Variants in CDH13 observed in about 807,000 individuals in gnomAD.
The protein encoded by CDH13 is cadherin 13.
Under a neutral mutation model 63.8 loss-of-function variants are expected in CDH13, and 24 were observed. That is an observed-to-expected ratio of 0.38 (90% CI 0.27 to 0.53). The LOEUF (loss-of-function observed/expected upper bound fraction) is 0.53, where lower values mean the gene tolerates loss of function less well. Ranked by LOEUF, CDH13 falls within the 20% of genes least tolerant of loss-of-function variation. The pLI, the probability that CDH13 is intolerant of heterozygous loss-of-function variation, is 0.85. For missense variants in CDH13, 1,049 were observed against 903.1 expected, an observed-to-expected ratio of 1.16 and a Z score of -2.07; for synonymous variants, 503 against 355.3, an observed-to-expected ratio of 1.42 and a Z score of -4.67.
chr16:82,662,078 C>G (rs925808658), intron 1 of CDH13, among the ~76,000 whole-genome samples: 1 of 152,216 alleles, frequency 6.6e-6, no homozygotes, highest in Non-Finnish European at 1.5e-5. Context: ...CTGGACACCA[C>G]TGAGTCAAAT....
intron 3 of CDH13, among the ~76,000 whole-genome samples, chr16:83,036,621 C>T (rs993329203): frequency 3.3e-5 from 5 of 152,134 alleles, no homozygotes; most frequent in South Asian, 4.1e-4. Context: ...TCCCTCTTCC[C>T]GTGGCTGAAC....
intron 4 of CDH13, among the ~76,000 whole-genome samples, chr16:83,142,548 C>A (rs1001022849): frequency 6.6e-6 from 1 of 152,146 alleles, no homozygotes; most frequent in Non-Finnish European, 1.5e-5. Flanking sequence ...CTCAATTCCC[C>A]AAACTGAATC....
chr16:83,717,709 G>A (rs925365871), intron 10 of CDH13: 1 of 152,318 alleles, frequency 6.6e-6, no homozygotes, highest in Non-Finnish European at 1.5e-5. Context: ...GTGAGAGTTT[G>A]AGAGCTAGTT....
chr16:83,314,551 G>C (rs958500439), intron 5 of CDH13, among the ~76,000 whole-genome samples: 1 of 151,926 alleles, frequency 6.6e-6, no homozygotes, highest in Non-Finnish European at 1.5e-5. Context: ...TGGCATGTCA[G>C]TGTGTTAAAA....
At chr16:83,316,711 C>G (rs984025255) in intron 5 of CDH13, among the ~76,000 whole-genome samples, 2 of 152,222 alleles carry the variant, frequency 1.3e-5, no homozygotes, top group Non-Finnish European at 2.9e-5. Flanking sequence ...AGTGCCCACA[C>G]TCTGCATGGC....
chr16:83,510,437 A>C lies in CDH13; in HGVS notation c.960+23782A>C, dbSNP rs112809776. On this transcript the variant is annotated intron_variant, in intron 7 of 13. Coordinates refer to ENST00000567109, the MANE Select transcript of CDH13 (RefSeq NM_001257.5). ...GAGATAGGTGGACTACGTCTAATGG[A>C]TATTAAAAATACACAACACACCAAT... 5.7e-3 allele frequency among the ~76,000 whole-genome samples: 874 copies of C among 152,356 alleles called. 8 individuals carry two copies. Among genetic ancestry groups the C allele is most frequent in the African/African-American group, 0.02 (818 of 41,588 alleles).
chr16:83,479,857 A>C (rs1350716079), intron 6 of CDH13, among the ~76,000 whole-genome samples: 1 of 152,238 alleles, frequency 6.6e-6, no homozygotes, highest in Non-Finnish European at 1.5e-5. Flanking sequence ...GCACATAAAT[A>C]GATACACGGT....
chr16:83,650,299 A>G (rs1265742001), intron 8 of CDH13, among the ~76,000 whole-genome samples: 4 of 152,226 alleles, frequency 2.6e-5, no homozygotes, highest in African/African-American at 9.6e-5. Flanking sequence ...AAACTACATC[A>G]ATAATTTTCA....
chr16:83,133,618 C>T (rs1232332271), intron 4 of CDH13, among the ~76,000 whole-genome samples: 1 of 152,122 alleles, frequency 6.6e-6, no homozygotes. Flanking sequence ...CATGCCTCAG[C>T]CTCCCTAATA....
Position 83,625,497 on chromosome 16 carries a change from G to A in CDH13, c.1101+22903G>A, listed in dbSNP as rs572290146. On this transcript the variant is annotated intron_variant, in intron 8 of 13. Coordinates refer to ENST00000567109, the MANE Select transcript of CDH13 (RefSeq NM_001257.5). The stretch of plus-strand genomic sequence containing the variant: ...AACAGGACTGCGTGCTGAGAGCCGA[G>A]CCTGTTACCTGCTTTCCCCATGACA... Among the ~76,000 whole-genome samples the A allele has an allele frequency of 4.6e-5, 7 of 152,292 alleles. No homozygotes were observed. The South Asian group carries it at 1.0e-3, about 23-fold the overall frequency.
chr16:82,635,393 C>G (rs902679440), intron 1 of CDH13, among the ~76,000 whole-genome samples: 5 of 152,144 alleles, frequency 3.3e-5, no homozygotes, highest in African/African-American at 9.7e-5. Flanking sequence ...AGGAAGAAGG[C>G]ACAGTCTGGG....
chr16:83,624,656 T>C (rs887588767), intron 8 of CDH13, among the ~76,000 whole-genome samples: 2 of 152,050 alleles, frequency 1.3e-5, no homozygotes, highest in South Asian at 2.1e-4. Context: ...TGGTTCCTAA[T>C]AGGCCATGGA....
At chr16:83,203,483 A>C (rs373564134) in intron 4 of CDH13, among the ~76,000 whole-genome samples, 1 of 151,720 alleles carries the variant, frequency 6.6e-6, no homozygotes, top group Non-Finnish European at 1.5e-5. Context: ...TTAGGAGATC[A>C]AGACCATCCT....
intron 6 of CDH13, among the ~76,000 whole-genome samples, chr16:83,458,222 C>T (rs942468030): frequency 6.6e-6 from 1 of 152,318 alleles, no homozygotes; most frequent in East Asian, 1.9e-4. Flanking sequence ...TGCTGTTTCT[C>T]CTGTACTTGA....
intron 2 of CDH13, among the ~76,000 whole-genome samples, chr16:82,981,877 C>G (rs182202276): frequency 6.6e-6 from 1 of 152,148 alleles, no homozygotes; most frequent in African/African-American, 2.4e-5. Context: ...ATCTCTGCAG[C>G]TTCGAACACT....
At chr16:83,658,741 C>T (rs1479173302) in intron 8 of CDH13, among the ~76,000 whole-genome samples, 2 of 149,710 alleles carry the variant, frequency 1.3e-5, no homozygotes, top group Admixed American at 6.6e-5. Flanking sequence ...CCACCAGGTC[C>T]CATGTCCTCA....
intron 5 of CDH13, among the ~76,000 whole-genome samples, chr16:83,242,892 A>G (rs995348499): frequency 2.0e-5 from 3 of 152,200 alleles, no homozygotes; most frequent in African/African-American, 7.2e-5. Context: ...CTCAGAGGGG[A>G]GTATCATCAA....
At chr16:83,226,540 A>G (rs766012536) in intron 5 of CDH13, among the ~76,000 whole-genome samples, 16 of 152,210 alleles carry the variant, frequency 1.1e-4, no homozygotes, top group Admixed American at 2.6e-4. Flanking sequence ...CATCCATGGA[A>G]TGAATAAATG....
chr16:83,380,185 A>G (rs2091537361), intron 6 of CDH13, among the ~76,000 whole-genome samples: 1 of 151,836 alleles, frequency 6.6e-6, no homozygotes, highest in Non-Finnish European at 1.5e-5. Context: ...GACGGATCAA[A>G]GATCTTAAGC....
Sources: allele counts gnomAD v4.1 joint callset (sites outside exome capture counted in the v4.1 genomes callset), GRCh38; gene constraint gnomAD v4.1.1; transcripts MANE v1.5; gene names NCBI Gene and HGNC (gene_info 2026-07-23, HGNC 2026-07-21).